Variants in ZNF521 observed in about 807,000 individuals in gnomAD.
The protein encoded by ZNF521 is LYST-interacting protein 3.
A neutral mutation model predicts 105.5 loss-of-function variants in ZNF521; 14 were observed. The observed-to-expected ratio is 0.13, with a 90% CI of 0.09 to 0.21. ZNF521 has a LOEUF of 0.21. Among genes scored for constraint, ZNF521 ranks in the 10% least tolerant of loss-of-function variants. The pLI, the probability that ZNF521 is intolerant of heterozygous loss-of-function variation, is 1.00. For missense variants in ZNF521, 1,233 were observed against 1,629.7 expected (o/e 0.76, Z 4.19); for synonymous variants, 635 against 606.0 (o/e 1.05, Z -0.70).
At chr18:25,099,265 A>T (rs1221040078) in intron 5 of ZNF521, among the ~76,000 whole-genome samples, 1 of 152,236 alleles carries the variant, frequency 6.6e-6, no homozygotes, top group Non-Finnish European at 1.5e-5. Flanking sequence ...GACTGATGGT[A>T]AAACAATATC....
Position 25,153,559 on chromosome 18 carries a change from G to A in ZNF521, c.3658+41601C>T, listed in dbSNP as rs1407624044. Among the ~76,000 whole-genome samples the A allele has an allele frequency of 1.3e-4, 20 of 152,280 alleles. No homozygotes were observed. In the East Asian group the frequency reaches 3.9e-3, roughly 29 times the overall value. ...TTCAACTCCACATGGTCCCAGTCTG[G>A]CTAGGTCTTTGGATCAAACTCTTCT... is the stretch of plus-strand genomic sequence containing the variant. On this transcript the variant is annotated intron_variant, in intron 5 of 7. Coordinates refer to ENST00000361524, the MANE Select transcript of ZNF521 (RefSeq NM_015461.3).
chr18:25,176,430 T>C (rs1427084591), intron 5 of ZNF521, among the ~76,000 whole-genome samples: 1 of 152,220 alleles, frequency 6.6e-6, no homozygotes, highest in Non-Finnish European at 1.5e-5. Context: ...GGTCTCATAA[T>C]GAGAAAACTG....
intron 3 of ZNF521, among the ~76,000 whole-genome samples, chr18:25,251,725 G>A (rs938966291): frequency 3.9e-5 from 6 of 152,250 alleles, no homozygotes; most frequent in South Asian, 4.1e-4. Flanking sequence ...CGTGGCAGCC[G>A]CAACATAAAG....
intron 5 of ZNF521, among the ~76,000 whole-genome samples, chr18:25,146,579 C>T (rs1346327475): frequency 6.6e-6 from 1 of 152,128 alleles, no homozygotes; most frequent in East Asian, 1.9e-4. Flanking sequence ...TCAAAAAAAG[C>T]CCCCCATCTT....
intron 3 of ZNF521, among the ~76,000 whole-genome samples, chr18:25,285,698 TCA>T (rs66794523): frequency 0.022 from 3,297 of 146,880 alleles, 42 homozygotes; most frequent in Non-Finnish European, 0.029. Flanking sequence ...TCTCTCTCTC[TCA>T]CACACACACA....
chr18:25,157,266 C>A (rs1441678585), intron 5 of ZNF521, among the ~76,000 whole-genome samples: 2 of 152,082 alleles, frequency 1.3e-5, no homozygotes, highest in African/African-American at 2.4e-5. Flanking sequence ...ATTAAAATGA[C>A]AGATTGTTGC....
intron 5 of ZNF521, among the ~76,000 whole-genome samples, chr18:25,192,388 C>T (rs1937366122): frequency 6.6e-6 from 1 of 152,100 alleles, no homozygotes; most frequent in Non-Finnish European, 1.5e-5. Flanking sequence ...CTGAGACCAG[C>T]ACATCCAGAA....
At chr18:25,314,429 A>T (rs1378243478) in intron 3 of ZNF521, among the ~76,000 whole-genome samples, 1 of 152,184 alleles carries the variant, frequency 6.6e-6, no homozygotes, top group Non-Finnish European at 1.5e-5. Context: ...GATGTCTAAA[A>T]GTTTTCAGCT....
At chr18:25,072,687 T>C (rs542756744) in intron 7 of ZNF521, among the ~76,000 whole-genome samples, 21 of 152,308 alleles carry the variant, frequency 1.4e-4, no homozygotes, top group Admixed American at 2.6e-4. Flanking sequence ...AATCAAACTA[T>C]ATAAAGCCAG....
At chr18:25,116,069 C>T (rs2034295193) in intron 5 of ZNF521, among the ~76,000 whole-genome samples, 2 of 152,138 alleles carry the variant, frequency 1.3e-5, no homozygotes, top group South Asian at 2.1e-4. Context: ...CAGGGTGGCT[C>T]AAGAACAATG....
intron 3 of ZNF521, among the ~76,000 whole-genome samples, chr18:25,234,925 T>C (rs1322072180): frequency 1.3e-5 from 2 of 152,144 alleles, no homozygotes; most frequent in Admixed American, 6.5e-5. Context: ...ATAAAATTAA[T>C]ATGGATTAAT....
intron 3 of ZNF521, among the ~76,000 whole-genome samples, chr18:25,267,397 C>T (rs921541136): frequency 9.2e-5 from 14 of 152,176 alleles, no homozygotes; most frequent in African/African-American, 2.9e-4. Context: ...AAGAGAGCAG[C>T]GGATCACCCA....
Position 25,283,932 on chromosome 18 carries a change from C to T in ZNF521, c.220+38076G>A, listed in dbSNP as rs559182516. Among the ~76,000 whole-genome samples the T allele has an allele frequency of 7.8e-3, 1,119 of 142,800 alleles. 11 individuals carry two copies. Among genetic ancestry groups the T allele is most frequent in the Non-Finnish European group, 0.011 (708 of 64,496 alleles). The allele number at this position is 142,800 out of a possible 152,430, so 93.7% of individuals were successfully genotyped here. The stretch of plus-strand genomic sequence containing the variant: ...AACAAGCCAATACTTTCCCCCCCCC[C>T]CAAAAAAATTCATGAGCAGCAACAG... On this transcript the variant is annotated intron_variant, in intron 3 of 7. Transcript: ENST00000361524.
intron 4 of ZNF521, among the ~76,000 whole-genome samples, chr18:25,216,889 T>A (rs1905361256): frequency 1.3e-5 from 2 of 151,802 alleles, no homozygotes; most frequent in Non-Finnish European, 2.9e-5. Flanking sequence ...TAAAAGAAAA[T>A]CCTAAAGGGC....
intron 5 of ZNF521, among the ~76,000 whole-genome samples, chr18:25,123,389 A>G (rs1450038639): frequency 6.6e-6 from 1 of 152,202 alleles, no homozygotes; most frequent in East Asian, 1.9e-4. Flanking sequence ...CAAAAGGGAA[A>G]GTGACAAACC....
intron 3 of ZNF521, among the ~76,000 whole-genome samples, chr18:25,278,515 C>T (rs1321941094): frequency 6.6e-6 from 1 of 152,186 alleles, no homozygotes; most frequent in Non-Finnish European, 1.5e-5. Flanking sequence ...CCACTCTTGC[C>T]TGCTTTACTG....
chr18:25,105,186 G>A (rs2034047654), intron 5 of ZNF521, among the ~76,000 whole-genome samples: 1 of 152,122 alleles, frequency 6.6e-6, no homozygotes, highest in Admixed American at 6.6e-5. Flanking sequence ...AACATCGAGA[G>A]GAAGGGGAAG....
Position 25,153,248 on chromosome 18 carries a change from A to T in ZNF521, c.3658+41912T>A, listed in dbSNP as rs565949758. 7.9e-5 allele frequency among the ~76,000 whole-genome samples: 12 copies of T among 152,324 alleles called. No homozygotes were observed. In the South Asian group the frequency reaches 2.1e-3, roughly 26 times the overall value. On this transcript the variant is annotated intron_variant, in intron 5 of 7. Coordinates refer to ENST00000361524, the MANE Select transcript of ZNF521 (RefSeq NM_015461.3). The stretch of plus-strand genomic sequence containing the variant: ...TTAAGTAATTCACTTGGTCATGTAA[A>T]TGGAAATCATGATACTACAACTCTC...
intron 5 of ZNF521, among the ~76,000 whole-genome samples, chr18:25,189,057 C>A (rs2035774985): frequency 6.6e-6 from 1 of 152,178 alleles, no homozygotes; most frequent in Admixed American, 6.5e-5. Context: ...AATAGCTTAA[C>A]CCTGAAATTG....
Sources: gnomAD v4.1 joint callset for allele counts (sites outside exome capture counted in the v4.1 genomes callset) on GRCh38, gnomAD v4.1.1 for gene constraint, MANE v1.5 for transcripts, NCBI Gene and HGNC (gene_info 2026-07-23, HGNC 2026-07-21) for gene names.